The following SKP2 variants were observed in gnomAD, a reference collection of about 807,000 sequenced individuals.
SKP2 encodes S-phase kinase-associated protein 2.
SKP2 carries 16 observed loss-of-function variants against 51.8 expected under a neutral mutation model. That is an observed-to-expected ratio of 0.31 (90% CI 0.21 to 0.47). The LOEUF (loss-of-function observed/expected upper bound fraction) is 0.47, where lower values mean the gene tolerates loss of function less well. Among genes scored for constraint, SKP2 ranks in the 20% least tolerant of loss-of-function variants. SKP2 has a pLI of 1.00. For missense variants in SKP2, 377 were observed against 505.3 expected (o/e 0.75, Z 2.43); for synonymous variants, 176 against 198.6 (o/e 0.89, Z 0.96).
intron 4 of SKP2, among the ~76,000 whole-genome samples, chr5:36,167,695 A>G (rs1745330791): frequency 6.6e-6 from 1 of 151,914 alleles, no homozygotes; most frequent in Admixed American, 6.6e-5. Flanking sequence ...ATCTCGGCTC[A>G]TTGCAACCTC....
chr5:36,171,841 T>C (rs1745486761), intron 7 of SKP2, 108 bp downstream of exon 7: 1 of 1,102,758 alleles, frequency 9.1e-7, no homozygotes, highest in Non-Finnish European at 1.3e-6. Flanking sequence ...TTTAATCCAG[T>C]GCATGTGTTA....
In SKP2 at chr5:36,182,538, G is replaced by C; in HGVS notation, c.*507G>C. On this transcript the variant is annotated 3_prime_UTR_variant, in exon 10 of 10. Transcript: ENST00000274255. ...CTGAGGCCATCTTTTCTAGGAATAG[G>C]AAAGAGAAAAATGTATTTGAATTTT... The C allele has an allele frequency of 3.0e-6, 3 of 984,894 alleles. No homozygotes were observed. The highest frequency in any genetic ancestry group is 3.6e-6 in the Non-Finnish European group (3 of 829,446). The allele number at this position is 984,894 out of a possible 1,614,324, so 61.0% of individuals were successfully genotyped here. A position where few individuals can be genotyped will look rare whatever the true frequency, so the allele number is the denominator to read the frequency against.
At position 36,182,398 on chromosome 5, in the gene SKP2, C is replaced by G; in HGVS notation, c.*367C>G. On this transcript the variant is annotated 3_prime_UTR_variant, in exon 10 of 10. Transcript: ENST00000274255. ...ACCACCAGCAAACAATCTTCATAGC[C>G]CATATAACTTTTATCTATTTAATTT... The G allele has an allele frequency of 4.9e-6, 5 of 1,018,476 alleles. No individual in the cohort carries two copies. The South Asian group carries it at 2.1e-4, about 42-fold the overall frequency. 63.1% of individuals were successfully genotyped at this position (1,018,476 alleles called of 1,614,324 possible). A position where few individuals can be genotyped will look rare whatever the true frequency, so the allele number is the denominator to read the frequency against.
rs1745829128 is a variant in SKP2 at position 36,182,076 on chromosome 5, T to C, written c.*45T>C. On this transcript the variant is annotated 3_prime_UTR_variant, in exon 10 of 10. Transcript: ENST00000274255. ...TGTCTCTTCTTTAGAACAGGGAAAATAGGCAGGAAGCCCAATTGCTGGAGT... is the reference window on the plus strand; with the variant it reads ...TGTCTCTTCTTTAGAACAGGGAAAACAGGCAGGAAGCCCAATTGCTGGAGT... 1 of 1,598,322 alleles carries C rather than the reference T, an allele frequency of 6.3e-7. No homozygotes were observed. The highest frequency in any genetic ancestry group is 8.5e-7 in the Non-Finnish European group (1 of 1,170,428).
At chr5:36,170,227 A>T in intron 5 of SKP2, 117 bp from the exon 6 acceptor site, 2 of 571,966 alleles carry the variant, frequency 3.5e-6, no homozygotes, top group Non-Finnish European at 6.3e-6. Flanking sequence ...TATACATTTT[A>T]AACTCACTGA....
At chr5:36,190,457 T>C (rs374281468) in intron 6 of SKP2, among the ~76,000 whole-genome samples, 1 of 86,006 alleles carries the variant, frequency 1.2e-5, no homozygotes, top group Non-Finnish European at 2.3e-5. Flanking sequence ...TCAATAAAAG[T>C]CAGCAGCATT....
In SKP2 at chr5:36,176,959, T is replaced by C. The variant is rs1371557677; in HGVS notation, c.902-6T>C. The C allele has an allele frequency of 5.1e-6, 8 of 1,582,496 alleles. No individual in the cohort carries two copies. The Admixed American group carries it at 5.1e-5, about 10-fold the overall frequency. ...AGTGACCATCATGTTTTTTTGCTTT[T>C]CCTAGATCTCTCTACTTTAGTTAGA... On this transcript the variant is annotated splice_polypyrimidine_tract_variant and splice_region_variant and intron_variant, in intron 7 of 9. Transcript: ENST00000274255.
At chr5:36,187,717 T>A (rs1028764725), downstream of SKP2, among the ~76,000 whole-genome samples, 1 of 152,212 alleles carries the variant, frequency 6.6e-6, no homozygotes, top group Non-Finnish European at 1.5e-5. Flanking sequence ...TTCTGTTGAT[T>A]TGGGGTGGAG....
At position 36,183,900 on chromosome 5, in the gene SKP2, A is replaced by G; in HGVS notation, c.*1869A>G. 3.1e-6 allele frequency: 5 copies of G among 1,611,406 alleles called. No homozygotes were observed. The highest frequency in any genetic ancestry group is 4.2e-6 in the Non-Finnish European group (5 of 1,179,564). ...ACTCTGACATCGGATGCCCTCAAAC[A>G]TACAGAACTTCCAAACTCAAGTCCA... On this transcript the variant is annotated 3_prime_UTR_variant, in exon 10 of 10. Transcript: ENST00000274255.
intron 7 of SKP2, among the ~76,000 whole-genome samples, chr5:36,175,967 GTTCAC>G (rs961927581): frequency 2.0e-5 from 3 of 151,542 alleles, no homozygotes; most frequent in Non-Finnish European, 4.4e-5. Context: ...AAGAAAATCA[GTTCAC>G]TATCCAAAAA....
At position 36,152,179 on chromosome 5, in the gene SKP2, C is replaced by T; in HGVS notation, c.-84C>T. 3.4e-6 allele frequency: 5 copies of T among 1,482,506 alleles called. No homozygotes were observed. The highest frequency in any genetic ancestry group is 4.7e-6 in the Non-Finnish European group (5 of 1,062,048). The allele number at this position is 1,482,506 out of a possible 1,614,324, so 91.8% of individuals were successfully genotyped here. A position where few individuals can be genotyped will look rare whatever the true frequency, so the allele number is the denominator to read the frequency against. On this transcript the variant is annotated 5_prime_UTR_variant, in exon 1 of 10. Coordinates refer to ENST00000274255, the MANE Select transcript of SKP2 (RefSeq NM_005983.4). The stretch of plus-strand genomic sequence containing the variant: ...GGGGCCCGAGCAGCACGCTCGGAGC[C>T]GCCGCGCGCCAAAGCGGGAATCTGG...
chr5:36,152,901 G>A lies in SKP2; in HGVS notation c.139G>A (p.Asp47Asn), dbSNP rs368824752. Residue 47 changes from aspartate (D) to asparagine (N), a missense_variant, in exon 2 of 10, where the codon GAC becomes AAC. Around this residue, in one of 2 missense-constraint regions of SKP2, gnomAD observed 115 missense variants for 115.5 expected, o/e 1.00. Coordinates refer to ENST00000274255, the MANE Select transcript of SKP2 (RefSeq NM_005983.4). ...GVSALEKEEP[D>N]SENIPQELLS... ...CTCCGCCCTGGAGAAAGAGGAGCCC[G>A]ACAGTGAGAACATCCCCCAGGAACT... 23 of 1,613,946 alleles carry A rather than the reference G, an allele frequency of 1.4e-5. No homozygotes were observed. The highest frequency in any genetic ancestry group is 1.9e-5 in the Non-Finnish European group (22 of 1,180,034).
At chr5:36,165,014 TC>T (rs1745242725) in intron 3 of SKP2, among the ~76,000 whole-genome samples, 2 of 152,254 alleles carry the variant, frequency 1.3e-5, no homozygotes, top group African/African-American at 4.8e-5. Flanking sequence ...GATGTGTTCA[TC>T]CTGCATATCT....
chr5:36,169,740 A>G (rs1403524718), intron 5 of SKP2, among the ~76,000 whole-genome samples: 1 of 152,238 alleles, frequency 6.6e-6, no homozygotes, highest in Non-Finnish European at 1.5e-5. Flanking sequence ...AACCCTATGA[A>G]GTGTGATCTT....
intron 9 of SKP2, among the ~76,000 whole-genome samples, chr5:36,177,708 G>A (rs937210828): frequency 2.6e-5 from 4 of 151,334 alleles, no homozygotes; most frequent in Non-Finnish European, 5.9e-5. Context: ...TGGGCTTAAA[G>A]TTCTGTATCT....
chr5:36,186,640 C>T (rs962580748), downstream of SKP2, among the ~76,000 whole-genome samples: 3 of 151,922 alleles, frequency 2.0e-5, no homozygotes, highest in Admixed American at 1.3e-4. Flanking sequence ...CTGCTGGATT[C>T]GGTTTGCCAG....
downstream of SKP2, among the ~76,000 whole-genome samples, chr5:36,189,123 C>T (rs990200166): frequency 2.0e-5 from 3 of 152,138 alleles, no homozygotes; most frequent in East Asian, 1.9e-4. Flanking sequence ...GTTAGCCATT[C>T]GTCTAATCTT....
chr5:36,181,934 TCAC>T lies in SKP2; in HGVS notation c.1184_1186del (p.Thr395del). 1.2e-6 allele frequency: 2 copies of T among 1,614,116 alleles called. No individual in the cohort carries two copies. The highest frequency in any genetic ancestry group is 1.7e-6 in the Non-Finnish European group (2 of 1,180,020). ...CATCTACAGATTAATTGCTCCCATT[TCAC>T]CACCATTGCCAGGCCAACTATTGGC... On this transcript the variant is annotated inframe_deletion, in exon 10 of 10. Coordinates refer to ENST00000274255, the MANE Select transcript of SKP2 (RefSeq NM_005983.4).
downstream of SKP2, among the ~76,000 whole-genome samples, chr5:36,187,755 TTGG>T (rs1427109995): frequency 6.6e-6 from 1 of 152,172 alleles, no homozygotes; most frequent in Non-Finnish European, 1.5e-5. Context: ...TTAGGTCCAG[TTGG>T]TGGAGAGCTG....
Sources: gnomAD v4.1 joint callset for allele counts (sites outside exome capture counted in the v4.1 genomes callset) on GRCh38, gnomAD v4.1.1 for gene constraint, gnomAD v4.1.1 regional missense constraint, MANE v1.5 for transcripts, NCBI Gene and HGNC (gene_info 2026-07-23, HGNC 2026-07-21) for gene names.